LEMD2: variants seen among roughly 807,000 people sequenced by gnomAD.
LEMD2 encodes LEM domain nuclear envelope protein 2, also known as LEM domain-containing protein 2.
LEMD2 carries 34 observed loss-of-function variants against 58.8 expected under a neutral mutation model. The observed-to-expected ratio is 0.58, with a 90% CI of 0.44 to 0.77. The LOEUF is 0.77. LEMD2 is among the 30% of genes least tolerant of loss of function. The pLI, the probability that LEMD2 is intolerant of heterozygous loss-of-function variation, is 0.00. For missense variants in LEMD2, 629 were observed against 717.9 expected (o/e 0.88, Z 1.42); for synonymous variants, 298 against 308.9 (o/e 0.96, Z 0.37).
rs749433209 is a variant in LEMD2, at chr6:33,778,287, G to T, written c.1111C>A (p.Arg371=). 6.2e-7 allele frequency: 1 copy of T among 1,609,294 alleles called. No homozygotes were observed. ...PRMGVGCRLS[R]ALLTAVTNVL... ...TTGGTGACAGCAGTGAGCAAGGCCC[G>T]GCTCAGGCGGCAGCCAACACCCATG... The change falls in exon 6 of 9, where the codon CGG becomes AGG. Residue 371 remains arginine, a synonymous_variant. Transcript: ENST00000293760. This position sits in a 1 kb window ranked among gnomAD's most constrained non-coding sequence, Gnocchi z 4.7.
At chr6:33,783,253 A>AAGG (rs1449122364) in intron 3 of LEMD2, among the ~76,000 whole-genome samples, 1 of 152,196 alleles carries the variant, frequency 6.6e-6, no homozygotes, top group African/African-American at 2.4e-5. Context: ...TGATGCTGTG[A>AAGG]GCAGGAGCCC....
intron 6 of LEMD2, 145 bp from the exon 7 acceptor site, chr6:33,777,384 C>T (rs533955928): frequency 2.2e-5 from 15 of 691,652 alleles, no homozygotes; most frequent in South Asian, 1.3e-4. Context: ...GGCCAGCATG[C>T]GAGAAACAAA....
At position 33,781,056 on chromosome 6, in the gene LEMD2, T is replaced by A. The variant is rs764346851; in HGVS notation, c.930+21A>T. 8 of 1,565,066 alleles carry A rather than the reference T, an allele frequency of 5.1e-6. No individual in the cohort carries two copies. In the South Asian group the frequency reaches 9.0e-5, roughly 18 times the overall value. On this transcript the variant is annotated intron_variant, in intron 4 of 8. Coordinates refer to ENST00000293760, the MANE Select transcript of LEMD2 (RefSeq NM_181336.4). The stretch of plus-strand genomic sequence containing the variant: ...AGCACCAGGCCCTCCCAGGAATGTA[T>A]AAGCACTGAAGCCTACTTACGGCTA...
At chr6:33,777,113 C>T (rs957012722) in intron 7 of LEMD2, 25 bp downstream of exon 7, 5 of 1,610,530 alleles carry the variant, frequency 3.1e-6, no homozygotes, top group Non-Finnish European at 4.2e-6. Flanking sequence ...GTCGGCAACC[C>T]TTTATTCACC....
At chr6:33,773,712 G>A (rs1332706994) in intron 8 of LEMD2, among the ~76,000 whole-genome samples, 3 of 152,202 alleles carry the variant, frequency 2.0e-5, no homozygotes, top group Non-Finnish European at 4.4e-5. Context: ...CCTGGGGACT[G>A]AGCTCCAAGG....
intron 6 of LEMD2, 70 bp from the exon 7 acceptor site, chr6:33,777,309 G>T: frequency 9.6e-7 from 1 of 1,039,072 alleles, no homozygotes; most frequent in Non-Finnish European, 1.5e-6. Flanking sequence ...TGGACAAGAT[G>T]CTGTGATGGA....
chr6:33,786,974 C>A, intron 1 of LEMD2, 200 bp from the exon 2 acceptor site: 2 of 1,245,146 alleles, frequency 1.6e-6, no homozygotes, highest in Non-Finnish European at 2.1e-6. Context: ...TTAGGAATTA[C>A]GATAGCTGGG....
rs1029040482 is a variant in LEMD2, at chr6:33,772,626, G to C, written c.*2C>G. The C allele has an allele frequency of 3.1e-6, 5 of 1,612,962 alleles. No individual in the cohort carries two copies. The African/African-American group carries it at 6.7e-5, about 22-fold the overall frequency. On this transcript the variant is annotated 3_prime_UTR_variant, in exon 9 of 9. Transcript: ENST00000293760. Reference sequence around the variant, plus strand: ...GACCGGGAACAAGTCCCCGCCCGGGGCTTATCGCTCTGAGTCAGAGAAGGA... The same window carrying C: ...GACCGGGAACAAGTCCCCGCCCGGGCCTTATCGCTCTGAGTCAGAGAAGGA...
intron 3 of LEMD2, 185 bp from the exon 4 acceptor site, chr6:33,781,338 C>G: frequency 1.7e-6 from 1 of 591,338 alleles, no homozygotes; most frequent in Non-Finnish European, 3.0e-6. Flanking sequence ...GGATCGATTC[C>G]AGATCATTAA....
rs529893061 is a variant in LEMD2 at position 33,773,785 on chromosome 6, C to T, written c.1362-1007G>A. ...GGGCAGTGTCTCACTCCAGCCCCTC[C>T]TTCCCAGGCCAGTTCTTCTCATCTC... On this transcript the variant is annotated intron_variant, in intron 8 of 8. Transcript: ENST00000293760. Among the ~76,000 whole-genome samples the T allele has an allele frequency of 1.4e-4, 22 of 152,350 alleles. No homozygotes were observed. In the East Asian group the frequency reaches 3.1e-3, roughly 21 times the overall value.
rs541228010 is a variant in LEMD2 at position 33,788,655 on chromosome 6, G to A, written c.462C>T (p.Gly154=). Residue 154 remains glycine (G), a synonymous_variant, in exon 1 of 9, where the codon GGC becomes GGT. Transcript: ENST00000293760. ...ACCAGCGGCGGGCCGCGAGACCCGG[G>A]CCCTGCGTGGCCCTGTCGGGCGTCC... ...DARTPDRATQ[G]PGLAARRWWA... 4.8e-4 allele frequency: 616 copies of A among 1,296,238 alleles called. 3 individuals carry two copies. The African/African-American group carries it at 9.0e-3, about 19-fold the overall frequency. The allele number at this position is 1,296,238 out of a possible 1,614,324, so 80.3% of individuals were successfully genotyped here. A position where few individuals can be genotyped will look rare whatever the true frequency, so the allele number is the denominator to read the frequency against.
At chr6:33,773,256 TG>T (rs1209388788) in intron 8 of LEMD2, among the ~76,000 whole-genome samples, 1 of 152,166 alleles carries the variant, frequency 6.6e-6, no homozygotes, top group African/African-American at 2.4e-5. Context: ...GCCAAGAAGC[TG>T]GAGCTGCTCT....
chr6:33,773,964 G>A (rs1767368480), intron 8 of LEMD2, among the ~76,000 whole-genome samples: 1 of 152,194 alleles, frequency 6.6e-6, no homozygotes. Context: ...GGTTCACATG[G>A]CTCTGACCCT....
chr6:33,773,598 G>GC (rs1554148359), intron 8 of LEMD2, among the ~76,000 whole-genome samples: 2 of 145,566 alleles, frequency 1.4e-5, no homozygotes, highest in Admixed American at 7.0e-5. Context: ...AGGAGGCGGG[G>GC]GGGGGGCTAG....
At chr6:33,787,830 C>T (rs1441595746) in intron 1 of LEMD2, among the ~76,000 whole-genome samples, 1 of 152,208 alleles carries the variant, frequency 6.6e-6, no homozygotes, top group African/African-American at 2.4e-5. Flanking sequence ...CAGTTGCGAT[C>T]AGTTTAACCT....
intron 2 of LEMD2, among the ~76,000 whole-genome samples, chr6:33,786,210 C>CTTCCCCAAATATTATTTGTAGGGA (rs6149526): frequency 0.49 from 75,242 of 152,060 alleles, 19,581 homozygotes; most frequent in East Asian, 0.82. Flanking sequence ...GGCTGCTCGC[C>CTTCCCCAAATATTATTTGTAGGGA]ATATTAGAGC....
rs748896637 is a variant in LEMD2 at position 33,789,129 on chromosome 6, G to C, written c.-13C>G. On this transcript the variant is annotated 5_prime_UTR_variant, in exon 1 of 9. Transcript: ENST00000293760. ...ACAGGCCGGCCATGGCCAGGACGCC[G>C]CCCCCCGCCCGCCCCTGGCGCGCAC... 14 of 1,488,972 alleles carry C rather than the reference G, an allele frequency of 9.4e-6. No individual in the cohort carries two copies. Among genetic ancestry groups the C allele is most frequent in the Admixed American group, 2.4e-5 (1 of 42,422 alleles). 92.2% of individuals were successfully genotyped at this position (1,488,972 alleles called of 1,614,324 possible).
intron 3 of LEMD2, among the ~76,000 whole-genome samples, chr6:33,783,868 C>A (rs1767616016): frequency 2.6e-5 from 4 of 152,204 alleles, no homozygotes; most frequent in Admixed American, 2.6e-4. Context: ...CCCACAGCCA[C>A]ATGGTGATCA....
chr6:33,784,047 C>T (rs1561926626), intron 3 of LEMD2, among the ~76,000 whole-genome samples: 1 of 152,216 alleles, frequency 6.6e-6, no homozygotes, highest in Non-Finnish European at 1.5e-5. Flanking sequence ...CAACAGAGAC[C>T]CCCAAAGCAT....
Sources: gnomAD v4.1 joint callset for allele counts (sites outside exome capture counted in the v4.1 genomes callset) on GRCh38, gnomAD v4.1.1 for gene constraint, Gnocchi (gnomAD v3.1) non-coding constraint, MANE v1.5 for transcripts, NCBI Gene and HGNC (gene_info 2026-07-23, HGNC 2026-07-21) for gene names.